Variants in XXYLT1 observed in about 807,000 individuals in gnomAD.
XXYLT1 encodes xyloside xylosyltransferase 1.
XXYLT1 carries 20 observed loss-of-function variants against 28.9 expected under a neutral mutation model. That is an observed-to-expected ratio of 0.69 (90% CI 0.49 to 1.00). The LOEUF (loss-of-function observed/expected upper bound fraction) is 1.00. Ranked by LOEUF, XXYLT1 falls within the 50% of genes least tolerant of loss-of-function variation. The pLI is 0.00. For synonymous variants in XXYLT1, 257 were observed against 253.8 expected (o/e 1.01, Z -0.12); for missense variants, 542 against 560.1 (o/e 0.97, Z 0.33).
chr3:195,161,876 C>T (rs1430221432), intron 2 of XXYLT1, among the ~76,000 whole-genome samples: 1 of 151,984 alleles, frequency 6.6e-6, no homozygotes. Flanking sequence ...CCTTGGCCTC[C>T]CAAAGTGCTA....
intron 3 of XXYLT1, among the ~76,000 whole-genome samples, chr3:195,118,730 C>A (rs550828113): frequency 6.6e-6 from 1 of 152,290 alleles, no homozygotes; most frequent in South Asian, 2.1e-4. Flanking sequence ...CCTACCAACC[C>A]AGAATTAGAG....
intron 3 of XXYLT1, among the ~76,000 whole-genome samples, chr3:195,109,294 G>A (rs1330171471): frequency 6.6e-6 from 1 of 152,138 alleles, no homozygotes; most frequent in Non-Finnish European, 1.5e-5. Flanking sequence ...GCACACTCTC[G>A]AGAAGGCGGA....
At chr3:195,170,458 C>A (rs2108714000) in intron 2 of XXYLT1, among the ~76,000 whole-genome samples, 1 of 152,336 alleles carries the variant, frequency 6.6e-6, no homozygotes, top group African/African-American at 2.4e-5. Context: ...GAAGCCAAGT[C>A]CGCTCCAAGC....
At chr3:195,188,756 T>G (rs1722304594) in intron 2 of XXYLT1, among the ~76,000 whole-genome samples, 1 of 152,234 alleles carries the variant, frequency 6.6e-6, no homozygotes, top group Non-Finnish European at 1.5e-5. Flanking sequence ...ACTCTCAAGG[T>G]TGAATGGCAA....
chr3:195,200,023 G>A (rs1722784532), intron 2 of XXYLT1, among the ~76,000 whole-genome samples: 2 of 152,234 alleles, frequency 1.3e-5, no homozygotes, highest in Admixed American at 1.3e-4. Context: ...GCATGATGGT[G>A]TACACTGTGA....
intron 2 of XXYLT1, among the ~76,000 whole-genome samples, chr3:195,175,235 C>T (rs930155217): frequency 2.0e-5 from 3 of 152,164 alleles, no homozygotes; most frequent in Non-Finnish European, 4.4e-5. Context: ...CCTAAGTCCT[C>T]GGAAGACAGA....
At chr3:195,175,724 G>A (rs1416700575) in intron 2 of XXYLT1, 1 of 1,535,748 alleles carries the variant, frequency 6.5e-7, no homozygotes, top group African/African-American at 1.4e-5. Flanking sequence ...GTGCAACTCT[G>A]GACTGTAGCA....
At chr3:195,264,903 A>G (rs558312717) in intron 1 of XXYLT1, among the ~76,000 whole-genome samples, 2 of 152,132 alleles carry the variant, frequency 1.3e-5, no homozygotes, top group Non-Finnish European at 2.9e-5. Context: ...AACAGTTAAA[A>G]AAAATTAGCT....
chr3:195,109,143 T>C (rs1292329848), intron 3 of XXYLT1, among the ~76,000 whole-genome samples: 1 of 152,180 alleles, frequency 6.6e-6, no homozygotes, highest in Admixed American at 6.5e-5. Flanking sequence ...TCAGCATTCC[T>C]CCAGATACTC....
chr3:195,117,909 GGAA>G (rs1350388957), intron 3 of XXYLT1, among the ~76,000 whole-genome samples: 5 of 152,230 alleles, frequency 3.3e-5, no homozygotes, highest in African/African-American at 1.2e-4. Context: ...GAAATTTCCA[GGAA>G]GAAGAAATTC....
intron 1 of XXYLT1, chr3:195,247,882 T>C: frequency 1.4e-6 from 1 of 690,692 alleles, no homozygotes; most frequent in Non-Finnish European, 2.6e-6. Context: ...GCTACACACT[T>C]TCAAACAGCA....
chr3:195,134,826 GGTGTGTGT>G (rs3073321), intron 3 of XXYLT1, among the ~76,000 whole-genome samples: 4,983 of 145,528 alleles, frequency 0.034, 167 homozygotes, highest in African/African-American at 0.072. Context: ...CGTGAAGAGG[GGTGTGTGT>G]GTGTGTGTGT....
Position 195,251,267 on chromosome 3 carries a change from A to G in XXYLT1, c.504+19288T>C, listed in dbSNP as rs143616702. 1.1e-4 allele frequency among the ~76,000 whole-genome samples: 17 copies of G among 152,356 alleles called. No individual in the cohort carries two copies. The East Asian group carries it at 3.3e-3, about 29-fold the overall frequency. On this transcript the variant is annotated intron_variant, in intron 1 of 3. Transcript: ENST00000310380. ...CAGAGACCACTTGCTAACTGCAAAAATCAAGTGGATGACCAATATGGGTAG... is the reference window on the plus strand; with the variant it reads ...CAGAGACCACTTGCTAACTGCAAAAGTCAAGTGGATGACCAATATGGGTAG...
At chr3:195,221,774 C>T (rs1416718444) in intron 2 of XXYLT1, among the ~76,000 whole-genome samples, 3 of 152,044 alleles carry the variant, frequency 2.0e-5, no homozygotes, top group Middle Eastern at 3.2e-3. Flanking sequence ...TAAGATGCTT[C>T]CAGTGGCGAC....
At chr3:195,086,652 T>G (rs1577008612) in intron 3 of XXYLT1, among the ~76,000 whole-genome samples, 1 of 152,108 alleles carries the variant, frequency 6.6e-6, no homozygotes, top group Middle Eastern at 3.4e-3. Context: ...GGAAGGTCAC[T>G]CTGGCTGGGT....
chr3:195,162,826 C>T (rs573362248), intron 2 of XXYLT1, among the ~76,000 whole-genome samples: 41 of 152,324 alleles, frequency 2.7e-4, no homozygotes, highest in African/African-American at 7.9e-4. Context: ...CCTCTCGCTT[C>T]TATTGCCAAT....
chr3:195,098,551 TCAA>T (rs955881514), intron 3 of XXYLT1, among the ~76,000 whole-genome samples: 20 of 152,278 alleles, frequency 1.3e-4, no homozygotes, highest in African/African-American at 4.8e-4. Context: ...AGAGACTGTC[TCAA>T]CAACAACAAC....
intron 2 of XXYLT1, among the ~76,000 whole-genome samples, chr3:195,216,776 A>T (rs1452742173): frequency 0.015 from 2,246 of 145,378 alleles, 35 homozygotes; most frequent in African/African-American, 0.054. Flanking sequence ...TATTCCAATC[A>T]ATAGAAAAAG....
intron 1 of XXYLT1, among the ~76,000 whole-genome samples, chr3:195,236,999 CCTCT>C (rs1047506863): frequency 6.6e-6 from 1 of 152,156 alleles, no homozygotes; most frequent in Non-Finnish European, 1.5e-5. Flanking sequence ...ACTCTCCTCT[CCTCT>C]AACAGAAGGA....
Sources: allele counts gnomAD v4.1 joint callset (sites outside exome capture counted in the v4.1 genomes callset), GRCh38; gene constraint gnomAD v4.1.1; transcripts MANE v1.5; gene names NCBI Gene and HGNC (gene_info 2026-07-23, HGNC 2026-07-21).